The following TTLL8 variants were observed in gnomAD, a reference collection of about 807,000 sequenced individuals.
The protein encoded by TTLL8 is tubulin tyrosine ligase like 8.
In TTLL8, 65 loss-of-function variants were observed where a neutral mutation model predicts 77.8. The ratio of observed to expected loss-of-function variants is 0.84; its 90% confidence interval spans 0.68 to 1.03. The LOEUF (loss-of-function observed/expected upper bound fraction) is 1.03. Ranked by LOEUF, TTLL8 falls within the 50% of genes least tolerant of loss-of-function variation. The pLI is 0.00. For missense variants in TTLL8, 910 were observed against 1,004.5 expected (o/e 0.91, Z 1.27); for synonymous variants, 402 against 422.8 (o/e 0.95, Z 0.60).
At position 50,033,455 on chromosome 22, in the gene TTLL8, G is replaced by A; in HGVS notation, c.1040-10C>T. The A allele has an allele frequency of 7.4e-7, 1 of 1,356,776 alleles. No individual in the cohort carries two copies. Among genetic ancestry groups the A allele is most frequent in the South Asian group, 1.1e-5 (1 of 87,762 alleles). The allele number at this position is 1,356,776 out of a possible 1,614,324, so 84.0% of individuals were successfully genotyped here. ...TCCATGCACACTATGTCTGCAAGAG[G>A]CCACCGCTCAACCCAGCATGCACAG... On this transcript the variant is annotated splice_polypyrimidine_tract_variant and intron_variant, in intron 9 of 13. Transcript: ENST00000266182.
upstream of TTLL8, among the ~76,000 whole-genome samples, chr22:50,057,464 GGA>G (rs1243126947): frequency 6.4e-4 from 54 of 84,184 alleles, no homozygotes; most frequent in East Asian, 1.4e-3. Context: ...CTGGGTTGGG[GGA>G]TCAGGTCTGG....
intron 11 of TTLL8, 74 bp downstream of exon 12, chr22:50,031,612 C>T (rs1569223808): frequency 1.7e-6 from 2 of 1,206,288 alleles, no homozygotes; most frequent in Non-Finnish European, 2.1e-6. Context: ...GCTCCACCCT[C>T]GCCCAGTGAC....
At chr22:50,036,749 C>A (rs1298986821) in intron 8 of TTLL8, among the ~76,000 whole-genome samples, 1 of 152,130 alleles carries the variant, frequency 6.6e-6, no homozygotes, top group Non-Finnish European at 1.5e-5. Flanking sequence ...CAGGCATGAG[C>A]CACCATGCCC....
In TTLL8 at chr22:50,045,916, CG is replaced by C; in HGVS notation, c.447del (p.Asp150ThrfsTer61). The C allele has an allele frequency of 7.3e-7, 1 of 1,361,758 alleles. No individual in the cohort carries two copies. The highest frequency in any genetic ancestry group is 9.8e-7 in the Non-Finnish European group (1 of 1,020,590). The allele number at this position is 1,361,758 out of a possible 1,614,324, so 84.4% of individuals were successfully genotyped here. On this transcript the variant is annotated frameshift_variant, in exon 5 of 14. Coordinates refer to ENST00000266182, the Ensembl canonical transcript of TTLL8. LOFTEE classifies it high-confidence loss of function. ...CTGTAGCAGCGTGGGAAGAAGGAGT[CG>C]GGGTTGGCCGGGACGTACCAGGGCA...
At chr22:50,024,684 C>T (rs1022212299) in intron 12 of TTLL8, among the ~76,000 whole-genome samples, 2 of 152,144 alleles carry the variant, frequency 1.3e-5, no homozygotes, top group South Asian at 2.1e-4. Flanking sequence ...GATCTCACTA[C>T]GTCCGAAGAA....
At chr22:50,057,030 G>T (rs2061474376), upstream of TTLL8, 1 of 1,211,800 alleles carries the variant, frequency 8.3e-7, no homozygotes, top group African/African-American at 1.6e-5. Context: ...GGGCTCTGGG[G>T]ATGGAGAGGG....
At chr22:50,030,827 G>C (rs989163649) in exon 12 of TTLL8, 2 of 1,346,506 alleles carry the variant, frequency 1.5e-6, no homozygotes, top group Admixed American at 2.0e-5. Flanking sequence ...CCGAGGCCTT[G>C]AGGTTGCAGA....
upstream of TTLL8, among the ~76,000 whole-genome samples, chr22:50,056,426 C>G (rs1002205973): frequency 1.3e-5 from 2 of 152,172 alleles, no homozygotes; most frequent in South Asian, 2.1e-4. This position sits in a 1 kb window ranked among gnomAD's most constrained non-coding sequence, Gnocchi z 4.1. Flanking sequence ...CCGGAGCTCT[C>G]GATCTGGCCC....
rs1328588569 is a variant in TTLL8 at position 50,044,627 on chromosome 22, C to T, written c.643+628G>A. On this transcript the variant is annotated intron_variant, in intron 6 of 13. Transcript: ENST00000266182. The surrounding 1 kb of genome is among the most constrained non-coding windows in gnomAD (Gnocchi z 4.2). ...TCAAATACACTCTAAAAGTTTAATG[C>T]GCCAATGTTCATCTGTCAACAGTCG... Among the ~76,000 whole-genome samples the T allele has an allele frequency of 4.6e-5, 7 of 152,294 alleles. No homozygotes were observed. The East Asian group carries it at 5.8e-4, about 13-fold the overall frequency.
At chr22:50,055,586 C>T (rs758129949), upstream of TTLL8, among the ~76,000 whole-genome samples, 12 of 147,290 alleles carry the variant, frequency 8.1e-5, no homozygotes, top group East Asian at 2.0e-4. Context: ...ATCCAGGAGG[C>T]GGAGGTTGTG....
chr22:50,036,251 C>T (rs992029054), intron 8 of TTLL8, among the ~76,000 whole-genome samples: 3 of 152,346 alleles, frequency 2.0e-5, no homozygotes, highest in Non-Finnish European at 2.9e-5. Context: ...CTCCCCTGGA[C>T]GCCCACCCTC....
rs1263822906 is a variant in TTLL8 at position 50,041,590 on chromosome 22, G to A, written c.830+31C>T. ...TCCTGCAATCTGCACTCACAGCTCC[G>A]ACATGTGCCAGGGGCCTGCGTAAGT... On this transcript the variant is annotated intron_variant, in intron 7 of 13. Coordinates refer to ENST00000266182, the Ensembl canonical transcript of TTLL8. This position sits in a 1 kb window ranked among gnomAD's most constrained non-coding sequence, Gnocchi z 4.3. 4 of 1,319,246 alleles carry A rather than the reference G, an allele frequency of 3.0e-6. No individual in the cohort carries two copies. The highest frequency in any genetic ancestry group is 2.3e-5 in the Admixed American group (1 of 44,318). The allele number at this position is 1,319,246 out of a possible 1,614,324, so 81.7% of individuals were successfully genotyped here. A position where few individuals can be genotyped will look rare whatever the true frequency, so the allele number is the denominator to read the frequency against.
chr22:50,054,069 C>T (rs886965072), intron 1 of TTLL8, among the ~76,000 whole-genome samples: 28 of 152,218 alleles, frequency 1.8e-4, no homozygotes, highest in African/African-American at 5.3e-4. Context: ...CTCACCATGC[C>T]GTGCACCTGC....
chr22:50,056,705 C>T (rs2061472657), upstream of TTLL8: 1 of 974,598 alleles, frequency 1.0e-6, no homozygotes, highest in Non-Finnish European at 1.2e-6. This position sits in a 1 kb window ranked among gnomAD's most constrained non-coding sequence, Gnocchi z 4.1. Context: ...CCCCTGGGGT[C>T]CTCCGCCTGG....
chr22:50,035,556 G>A (rs1178211060), intron 8 of TTLL8, among the ~76,000 whole-genome samples: 4 of 152,234 alleles, frequency 2.6e-5, no homozygotes, highest in Non-Finnish European at 5.9e-5. Context: ...CCTCCGTGGT[G>A]AGCGCCGAGC....
Position 50,030,413 on chromosome 22 carries a change from C to A in TTLL8, c.2203+17G>T. 7.7e-7 allele frequency: 1 copy of A among 1,304,870 alleles called. No homozygotes were observed. Among genetic ancestry groups the A allele is most frequent in the Non-Finnish European group, 1.0e-6 (1 of 1,001,666 alleles). The allele number at this position is 1,304,870 out of a possible 1,614,324, so 80.8% of individuals were successfully genotyped here. On this transcript the variant is annotated intron_variant, in intron 12 of 13. Coordinates refer to ENST00000266182, the Ensembl canonical transcript of TTLL8. ...CGGCCCCCAAGCCCACAGCGCACCG[C>A]CGGCGGCGCAGGTTACCTTTTCCTC...
At chr22:50,050,200 G>A (rs759161579) in exon 2 of TTLL8, 60 of 1,360,542 alleles carry the variant, frequency 4.4e-5, no homozygotes, top group African/African-American at 5.9e-5. Context: ...TTCGCAGAGC[G>A]GCCCGGACCA....
exon 6 of TTLL8, chr22:50,045,367 T>C: frequency 7.3e-7 from 1 of 1,366,092 alleles, no homozygotes; most frequent in Non-Finnish European, 9.8e-7. Flanking sequence ...GGATGCTGGA[T>C]GCCATGGTGC....
At chr22:50,039,241 T>G (rs781527780) in intron 8 of TTLL8, among the ~76,000 whole-genome samples, 2 of 152,228 alleles carry the variant, frequency 1.3e-5, no homozygotes, top group Non-Finnish European at 2.9e-5. Context: ...TAATTTTAAT[T>G]AATGAATTAA....
Sources: gnomAD v4.1 joint callset for allele counts (sites outside exome capture counted in the v4.1 genomes callset) on GRCh38, gnomAD v4.1.1 for gene constraint, Gnocchi (gnomAD v3.1) non-coding constraint, MANE v1.5 for transcripts, NCBI Gene and HGNC (gene_info 2026-07-23, HGNC 2026-07-21) for gene names.